Variants in POLH observed in about 807,000 individuals in gnomAD.
POLH encodes DNA polymerase eta, also known as DNA polymerase eta transcript.
In POLH, 53 loss-of-function variants were observed where a neutral mutation model predicts 73.6. The ratio of observed to expected loss-of-function variants is 0.72; its 90% CI spans 0.58 to 0.91. The LOEUF (loss-of-function observed/expected upper bound fraction) is 0.91, where lower values mean the gene tolerates loss of function less well. Among genes scored for constraint, POLH ranks in the 40% least tolerant of loss-of-function variants. POLH has a pLI of 0.00. For synonymous variants in POLH, 292 were observed against 308.5 expected, an observed-to-expected ratio of 0.95 and a Z score of 0.56; for missense variants, 768 against 865.4, an observed-to-expected ratio of 0.89 and a Z score of 1.41.
intron 9 of POLH, 96 bp downstream of exon 9, chr6:43,605,415 A>G (rs1767162334): frequency 1.6e-6 from 1 of 626,400 alleles, no homozygotes; most frequent in South Asian, 1.6e-5. Context: ...AGAAAAAAGT[A>G]TTAGCATAGG....
chr6:43,604,070 A>T, intron 7 of POLH, 59 bp downstream of exon 7: 1 of 1,364,618 alleles, frequency 7.3e-7, no homozygotes, highest in African/African-American at 1.4e-5. Flanking sequence ...ATTCAAATAT[A>T]GACAAAACCA....
intron 6 of POLH, among the ~76,000 whole-genome samples, chr6:43,601,918 C>T (rs192461291): frequency 1.3e-5 from 2 of 152,178 alleles, no homozygotes; most frequent in African/African-American, 4.8e-5. Context: ...ATTAGCTGAG[C>T]GTGGTGGCGG....
At chr6:43,578,320 T>C in intron 1 of POLH, 1 of 342,450 alleles carries the variant, frequency 2.9e-6, no homozygotes, top group South Asian at 2.3e-5. Flanking sequence ...CCGGGAGGCG[T>C]AGGTTGCAGT....
chr6:43,604,485 A>G (rs1767059999), intron 7 of POLH, 130 bp from the exon 8 acceptor site: 1 of 963,314 alleles, frequency 1.0e-6, no homozygotes, highest in East Asian at 2.6e-5. Flanking sequence ...GGTCCGGTAC[A>G]CTAAATTTTG....
chr6:43,592,247 A>G (rs530154596), intron 4 of POLH, among the ~76,000 whole-genome samples: 1 of 152,288 alleles, frequency 6.6e-6, no homozygotes, highest in East Asian at 1.9e-4. Context: ...ACCTTCCAGA[A>G]ATCATTTTTC....
intron 3 of POLH, among the ~76,000 whole-genome samples, chr6:43,586,220 G>A (rs554482974): frequency 1.3e-5 from 2 of 152,078 alleles, no homozygotes; most frequent in East Asian, 3.9e-4. Context: ...GGCTCACGCC[G>A]GTAATCCCAG....
In POLH at chr6:43,618,346, G is replaced by C. The variant is rs903553191; in HGVS notation, c.*3789G>C. Among the ~76,000 whole-genome samples, 1 of 152,068 alleles carries C rather than the reference G, an allele frequency of 6.6e-6. No individual in the cohort carries two copies. The highest frequency in any genetic ancestry group is 2.1e-4 in the South Asian group (1 of 4,826). The stretch of plus-strand genomic sequence containing the variant: ...AATTTTTGTATTTTTAGTAGAGACA[G>C]GTTTTCACCATGTTGGCCAGGCTGG... On this transcript the variant is annotated 3_prime_UTR_variant, in exon 11 of 11. Transcript: ENST00000372236.
rs775225254 is a variant in POLH at position 43,597,839 on chromosome 6, T to C, written c.634T>C (p.Cys212Arg). The change falls in exon 5 of 11, where the codon TGT becomes CGT. Residue 212 changes from cysteine (C) to arginine (R), a missense_variant. Physicochemically the swap from Cys to Arg is radical, Grantham distance 180 (BLOSUM62 -3). Coordinates refer to ENST00000372236, the MANE Select transcript of POLH (RefSeq NM_006502.3). Reference protein sequence around the residue: ...AAIERETGFQCSAGISHNKVL... With the variant: ...AAIERETGFQRSAGISHNKVL... Reference sequence around the variant, plus strand: ...CATAGAGAGGGAGACTGGTTTTCAGTGTTCAGCTGGAATTTCACACAATAA... The same window carrying C: ...CATAGAGAGGGAGACTGGTTTTCAGCGTTCAGCTGGAATTTCACACAATAA... 11 of 1,613,776 alleles carry C rather than the reference T, an allele frequency of 6.8e-6. No homozygotes were observed. In the African/African-American group the frequency reaches 1.5e-4, roughly 22 times the overall value.
intron 6 of POLH, 140 bp from the exon 7 acceptor site, chr6:43,603,752 G>A: frequency 1.2e-6 from 1 of 804,740 alleles, no homozygotes; most frequent in Non-Finnish European, 2.1e-6. Context: ...AACTCCCAGA[G>A]TAACTGAATT....
At chr6:43,579,722 G>A (rs1303335487) in intron 1 of POLH, among the ~76,000 whole-genome samples, 3 of 152,086 alleles carry the variant, frequency 2.0e-5, no homozygotes, top group African/African-American at 7.2e-5. Context: ...TTGTGGGACT[G>A]AGCCATCAAC....
Position 43,588,287 on chromosome 6 carries a change from C to T in POLH, c.490+798C>T, listed in dbSNP as rs543811505. 5 of 152,678 alleles carry T rather than the reference C, an allele frequency of 3.3e-5. No individual in the cohort carries two copies. In the East Asian group the frequency reaches 9.6e-4, roughly 29 times the overall value. 9.5% of individuals were successfully genotyped at this position (152,678 alleles called of 1,614,324 possible). A position where few individuals can be genotyped will look rare whatever the true frequency, so the allele number is the denominator to read the frequency against. On this transcript the variant is annotated intron_variant, in intron 4 of 10. Coordinates refer to ENST00000372236, the MANE Select transcript of POLH (RefSeq NM_006502.3). ...CCCTTTATAGTGATTTTCCCACTCC[C>T]TCTGTGCCGCACCTACCCTCTTGTA...
rs1436766917 is a variant in POLH, at chr6:43,619,119, G to GT, written c.*4563dup. Among the ~76,000 whole-genome samples the GT allele has an allele frequency of 2.0e-5, 3 of 152,056 alleles. No homozygotes were observed. Among genetic ancestry groups the GT allele is most frequent in the African/African-American group, 7.2e-5 (3 of 41,406 alleles). ...TAGCCAGTCACGGTGGCTGATGCTTGTAATCCTAACACTTTGGGAGGCTGA... is the reference window on the plus strand; with the variant it reads ...TAGCCAGTCACGGTGGCTGATGCTTGTTAATCCTAACACTTTGGGAGGCTGA... On this transcript the variant is annotated 3_prime_UTR_variant, in exon 11 of 11. Coordinates refer to ENST00000372236, the MANE Select transcript of POLH (RefSeq NM_006502.3).
intron 4 of POLH, among the ~76,000 whole-genome samples, chr6:43,589,084 C>CGCCTCG (rs1210174022): frequency 6.7e-6 from 1 of 149,946 alleles, no homozygotes; most frequent in Non-Finnish European, 1.5e-5. Context: ...GTGATCCGCC[C>CGCCTCG]GCCTCGGCCT....
At chr6:43,589,348 A>G (rs1765192928) in intron 4 of POLH, among the ~76,000 whole-genome samples, 1 of 152,210 alleles carries the variant, frequency 6.6e-6, no homozygotes, top group South Asian at 2.1e-4. Flanking sequence ...CCCTAGCAGT[A>G]CATAAAAGTT....
intron 1 of POLH, among the ~76,000 whole-genome samples, chr6:43,581,943 C>T (rs1320595530): frequency 2.0e-5 from 3 of 151,798 alleles, no homozygotes; most frequent in East Asian, 1.9e-4. Flanking sequence ...CTGTTTTTTC[C>T]ACTCAGGGTA....
At chr6:43,581,550 C>T (rs866757376) in intron 1 of POLH, among the ~76,000 whole-genome samples, 4,515 of 150,106 alleles carry the variant, frequency 0.03, 217 homozygotes, top group African/African-American at 0.1. Context: ...GGCGGCTGCT[C>T]CTTGCCCTCG....
chr6:43,588,281 C>T (rs1179325547), intron 4 of POLH: 1 of 152,510 alleles, frequency 6.6e-6, no homozygotes, highest in Non-Finnish European at 1.5e-5. Flanking sequence ...GTGATTTTCC[C>T]ACTCCCTCTG....
In POLH at chr6:43,619,660, T is replaced by C. The variant is rs569706717; in HGVS notation, c.*5103T>C. On this transcript the variant is annotated 3_prime_UTR_variant, in exon 11 of 11. Coordinates refer to ENST00000372236, the MANE Select transcript of POLH (RefSeq NM_006502.3). ...CTCACTAGTTCCTGGAGATGTCTTA[T>C]TAAGTACTGAAATGTGATTTTCCAA... Among the ~76,000 whole-genome samples, 2 of 152,304 alleles carry C rather than the reference T, an allele frequency of 1.3e-5. No homozygotes were observed. The highest frequency in any genetic ancestry group is 4.8e-5 in the African/African-American group (2 of 41,566).
intron 6 of POLH, 112 bp from the exon 7 acceptor site, chr6:43,603,780 C>T: frequency 9.8e-7 from 1 of 1,019,204 alleles, no homozygotes; most frequent in Non-Finnish European, 1.6e-6. Context: ...TATATGCTCT[C>T]ATTTGTCCTG....
Sources: gnomAD v4.1 joint callset for allele counts (sites outside exome capture counted in the v4.1 genomes callset) on GRCh38, gnomAD v4.1.1 for gene constraint, MANE v1.5 for transcripts, NCBI Gene and HGNC (gene_info 2026-07-23, HGNC 2026-07-21) for gene names.